The following SERTM1 variants were observed in gnomAD, a reference collection of about 807,000 sequenced individuals.
SERTM1 encodes the protein serine rich and transmembrane domain containing 1.
SERTM1 carries 1 observed loss-of-function variant against 5.5 expected under a neutral mutation model. That is an observed-to-expected ratio of 0.18 (90% CI 0.06 to 0.86). SERTM1 has a LOEUF of 0.86. Among genes scored for constraint, SERTM1 ranks in the 40% least tolerant of loss-of-function variants. SERTM1 has a pLI of 0.69. For synonymous variants in SERTM1, 52 were observed against 55.1 expected (o/e 0.94, Z 0.25); for missense variants, 91 against 122.4 (o/e 0.74, Z 1.21).
chr13:36,681,475 A>G (rs921457671), intron 1 of SERTM1, among the ~76,000 whole-genome samples: 2 of 152,094 alleles, frequency 1.3e-5, no homozygotes, highest in Non-Finnish European at 2.9e-5. Flanking sequence ...TTGCTATTGA[A>G]TTTTTCAAGC....
At chr13:36,693,772 T>A (rs1428111662) in intron 1 of SERTM1, among the ~76,000 whole-genome samples, 1 of 152,220 alleles carries the variant, frequency 6.6e-6, no homozygotes, top group Non-Finnish European at 1.5e-5. Flanking sequence ...AATGTTTTCC[T>A]GTTAGTTTTG....
At chr13:36,682,948 T>G (rs545726642) in intron 1 of SERTM1, among the ~76,000 whole-genome samples, 2 of 152,190 alleles carry the variant, frequency 1.3e-5, no homozygotes, top group African/African-American at 4.8e-5. Flanking sequence ...CAGGCTGGAG[T>G]GCAATGGCAT....
intron 1 of SERTM1, among the ~76,000 whole-genome samples, chr13:36,689,454 G>A (rs997025902): frequency 2.7e-5 from 4 of 150,906 alleles, no homozygotes; most frequent in African/African-American, 7.3e-5. Context: ...GCAGTGAGCC[G>A]AGATCATGCC....
chr13:36,686,560 G>T (rs1423611964), intron 1 of SERTM1, among the ~76,000 whole-genome samples: 1 of 152,056 alleles, frequency 6.6e-6, no homozygotes, highest in Admixed American at 6.6e-5. Flanking sequence ...ATGTATATGC[G>T]TAAGTGTGCA....
intron 1 of SERTM1, among the ~76,000 whole-genome samples, chr13:36,678,696 A>ATATATATATATATATATATAT (rs1566226327): frequency 1.3e-4 from 15 of 118,622 alleles, no homozygotes; most frequent in African/African-American, 4.7e-4. Context: ...TATATATATA[A>ATATATATATATATATATATAT]AATATAGTCC....
chr13:36,691,511 G>A (rs2056778262), intron 1 of SERTM1, among the ~76,000 whole-genome samples: 2 of 152,032 alleles, frequency 1.3e-5, no homozygotes, highest in African/African-American at 4.8e-5. Context: ...AGAGACAAAG[G>A]GAAAGCTGGT....
In SERTM1 at chr13:36,696,403, T is replaced by TTGCAAA. The variant is rs1351802265; in HGVS notation, c.*1003_*1008dup. 6.0e-6 allele frequency: 1 copy of TTGCAAA among 165,570 alleles called. No homozygotes were observed. Among genetic ancestry groups the TTGCAAA allele is most frequent in the Non-Finnish European group, 1.5e-5 (1 of 68,100 alleles). The allele number at this position is 165,570 out of a possible 1,614,324, so 10.3% of individuals were successfully genotyped here. Reference sequence around the variant, plus strand: ...TAGGTTGTAAAACTTAGAAACTAAATTGCAAATATATGTGTTATTATATAC... The same window carrying TTGCAAA: ...TAGGTTGTAAAACTTAGAAACTAAATTGCAAATGCAAATATATGTGTTATTATATAC... On this transcript the variant is annotated 3_prime_UTR_variant, in exon 2 of 2. Coordinates refer to ENST00000315190, the MANE Select transcript of SERTM1 (RefSeq NM_203451.3).
intron 1 of SERTM1, among the ~76,000 whole-genome samples, chr13:36,684,077 T>G (rs2056724409): frequency 6.6e-6 from 1 of 152,094 alleles, no homozygotes; most frequent in African/African-American, 2.4e-5. Context: ...GCAGACATAT[T>G]TCCTGAGCTC....
chr13:36,690,752 A>C (rs2138096687), intron 1 of SERTM1, among the ~76,000 whole-genome samples: 1 of 152,334 alleles, frequency 6.6e-6, no homozygotes, highest in African/African-American at 2.4e-5. Flanking sequence ...TAAAACCATT[A>C]ATTCCATTCA....
At chr13:36,676,422 T>C (rs928761733) in intron 1 of SERTM1, among the ~76,000 whole-genome samples, 1 of 152,152 alleles carries the variant, frequency 6.6e-6, no homozygotes, top group Non-Finnish European at 1.5e-5. Context: ...CCTTTTTTTG[T>C]TTAAAGTTTG....
chr13:36,681,117 C>T (rs982311487), intron 1 of SERTM1, among the ~76,000 whole-genome samples: 5 of 152,198 alleles, frequency 3.3e-5, no homozygotes, highest in South Asian at 4.1e-4. Flanking sequence ...CTATGATCTG[C>T]GTCAAGTACT....
intron 1 of SERTM1, among the ~76,000 whole-genome samples, chr13:36,693,651 A>G (rs866327405): frequency 2.0e-5 from 3 of 152,150 alleles, no homozygotes; most frequent in Non-Finnish European, 4.4e-5. Context: ...GCAAATGTCA[A>G]CCCCTCCAAG....
At chr13:36,675,356 A>C (rs1367736305) in intron 1 of SERTM1, among the ~76,000 whole-genome samples, 3 of 152,120 alleles carry the variant, frequency 2.0e-5, no homozygotes, top group Admixed American at 1.3e-4. Context: ...GACCCGCGGG[A>C]CTACTCCCTA....
intron 1 of SERTM1, among the ~76,000 whole-genome samples, chr13:36,682,501 T>C (rs1158089038): frequency 6.6e-6 from 1 of 152,156 alleles, no homozygotes; most frequent in Non-Finnish European, 1.5e-5. Context: ...AATAAGCAGA[T>C]GAGACAGAGG....
intron 1 of SERTM1, among the ~76,000 whole-genome samples, chr13:36,680,691 T>C (rs1027056965): frequency 6.6e-6 from 1 of 152,192 alleles, no homozygotes; most frequent in African/African-American, 2.4e-5. Flanking sequence ...TTTGTTGTTA[T>C]TGCTGCTTGT....
At chr13:36,684,037 C>T (rs2056724043) in intron 1 of SERTM1, among the ~76,000 whole-genome samples, 1 of 152,178 alleles carries the variant, frequency 6.6e-6, no homozygotes, top group African/African-American at 2.4e-5. Context: ...GTGGCTTACG[C>T]CTGTAATCCC....
chr13:36,684,315 C>G (rs908092775), intron 1 of SERTM1, among the ~76,000 whole-genome samples: 9 of 151,978 alleles, frequency 5.9e-5, no homozygotes, highest in African/African-American at 2.2e-4. Context: ...ATTCTCTGAG[C>G]TTTAATTTTC....
intron 1 of SERTM1, 91 bp from the exon 2 acceptor site, chr13:36,694,815 T>G (rs7332180): frequency 0.51 from 239,439 of 464,938 alleles, 64,139 homozygotes; most frequent in Middle Eastern, 0.61. Flanking sequence ...CATGCTGAGT[T>G]TTCTAACTAA....
intron 1 of SERTM1, among the ~76,000 whole-genome samples, chr13:36,686,533 G>T (rs1000989618): frequency 2.0e-5 from 3 of 152,034 alleles, no homozygotes; most frequent in Non-Finnish European, 4.4e-5. Flanking sequence ...TGACACACTT[G>T]TTTTATGTAT....
Sources: allele counts gnomAD v4.1 joint callset (sites outside exome capture counted in the v4.1 genomes callset), GRCh38; gene constraint gnomAD v4.1.1; transcripts MANE v1.5; gene names NCBI Gene and HGNC (gene_info 2026-07-23, HGNC 2026-07-21).